Variants in EFNA5 observed in about 807,000 individuals in gnomAD.
EFNA5 encodes ephrin A5.
Under a neutral mutation model 22.9 loss-of-function variants are expected in EFNA5, and 5 were observed. The ratio of observed to expected loss-of-function variants is 0.22; its 90% CI spans 0.11 to 0.46. The LOEUF is 0.46. Among genes scored for constraint, EFNA5 ranks in the 20% least tolerant of loss-of-function variants. EFNA5 has a pLI of 0.99. For synonymous variants in EFNA5, 113 were observed against 112.2 expected, an observed-to-expected ratio of 1.01 and a Z score of -0.04; for missense variants, 237 against 293.3, an observed-to-expected ratio of 0.81 and a Z score of 1.40.
chr5:107,596,264 T>C (rs1022151400), intron 1 of EFNA5, among the ~76,000 whole-genome samples: 3 of 152,342 alleles, frequency 2.0e-5, no homozygotes, highest in Admixed American at 6.5e-5. Flanking sequence ...TGAAACTCTA[T>C]GCCCACTGAA....
chr5:107,615,957 A>T (rs1749903425), intron 1 of EFNA5, among the ~76,000 whole-genome samples: 1 of 152,206 alleles, frequency 6.6e-6, no homozygotes, highest in Admixed American at 6.5e-5. Flanking sequence ...AAGAAAGAAC[A>T]ATTCTGCATT....
At chr5:107,511,320 C>A (rs1442085895) in intron 1 of EFNA5, among the ~76,000 whole-genome samples, 1 of 151,976 alleles carries the variant, frequency 6.6e-6, no homozygotes, top group African/African-American at 2.4e-5. Context: ...GCCACTGCTC[C>A]CGGCACCATA....
Position 107,670,607 on chromosome 5 carries a change from G to A in EFNA5, c.7C>T (p.His3Tyr). Residue 3 changes from histidine (H) to tyrosine (Y), a missense_variant, in exon 1 of 5, where the codon CAC (histidine) becomes TAC (tyrosine). Transcript: ENST00000333274. The stretch of plus-strand genomic sequence containing the variant: ...AACACCAGCGTCAACATCTCCACGT[G>A]CAACATCACGCCTGGCCAGCGGCGG... ML[H>Y]VEMLTLVFLV... 2 of 1,602,840 alleles carry A rather than the reference G, an allele frequency of 1.2e-6. No homozygotes were observed. Among genetic ancestry groups the A allele is most frequent in the Non-Finnish European group, 1.7e-6 (2 of 1,175,228 alleles).
At chr5:107,574,595 A>G (rs1748887856) in intron 1 of EFNA5, among the ~76,000 whole-genome samples, 1 of 152,192 alleles carries the variant, frequency 6.6e-6, no homozygotes, top group Non-Finnish European at 1.5e-5. Flanking sequence ...TTCTGTTCCA[A>G]ACTTCAAGTT....
intron 1 of EFNA5, among the ~76,000 whole-genome samples, chr5:107,647,001 TAAC>T (rs1056525828): frequency 9.2e-5 from 14 of 152,078 alleles, no homozygotes; most frequent in African/African-American, 3.4e-4. Context: ...ATATTTTAAA[TAAC>T]ATATCAAAGA....
chr5:107,578,224 C>T (rs1414130183), intron 1 of EFNA5, among the ~76,000 whole-genome samples: 1 of 152,130 alleles, frequency 6.6e-6, no homozygotes, highest in Non-Finnish European at 1.5e-5. Context: ...GAGAAGTCTG[C>T]AATCTAAGCA....
chr5:107,529,565 T>C (rs1250825573), intron 1 of EFNA5, among the ~76,000 whole-genome samples: 1 of 152,172 alleles, frequency 6.6e-6, no homozygotes, highest in Admixed American at 6.5e-5. Flanking sequence ...AGGCAACAGA[T>C]GGATTGCTTG....
At chr5:107,631,488 T>C (rs1750250276) in intron 1 of EFNA5, among the ~76,000 whole-genome samples, 1 of 152,030 alleles carries the variant, frequency 6.6e-6, no homozygotes, top group African/African-American at 2.4e-5. Flanking sequence ...AGACACTCAT[T>C]GAGCAAATAG....
intron 1 of EFNA5, among the ~76,000 whole-genome samples, chr5:107,447,835 A>ATT (rs371389437): frequency 2.0e-5 from 3 of 147,526 alleles, no homozygotes; most frequent in African/African-American, 7.4e-5. Flanking sequence ...AGAACAAGGG[A>ATT]TTTTTTTTTT....
Position 107,484,422 on chromosome 5 carries a change from G to C in EFNA5, c.126-56913C>G, listed in dbSNP as rs574518977. Reference sequence around the variant, plus strand: ...AGCTGCCAAATAACTTTGAGGATCTGATTCAGAACTAACATGGAAGATTTA... The same window carrying C: ...AGCTGCCAAATAACTTTGAGGATCTCATTCAGAACTAACATGGAAGATTTA... On this transcript the variant is annotated intron_variant, in intron 1 of 4. Coordinates refer to ENST00000333274, the MANE Select transcript of EFNA5 (RefSeq NM_001962.3). Among the ~76,000 whole-genome samples, 5 of 152,284 alleles carry C rather than the reference G, an allele frequency of 3.3e-5. No individual in the cohort carries two copies. In the East Asian group the frequency reaches 9.7e-4, roughly 29 times the overall value.
chr5:107,430,054 C>A (rs1040353026), intron 1 of EFNA5, among the ~76,000 whole-genome samples: 6 of 152,146 alleles, frequency 3.9e-5, no homozygotes, highest in Non-Finnish European at 8.8e-5. Context: ...ACTACATAAC[C>A]ATTTTTTTAA....
At chr5:107,450,042 G>A (rs1037058371) in intron 1 of EFNA5, among the ~76,000 whole-genome samples, 2 of 152,180 alleles carry the variant, frequency 1.3e-5, no homozygotes, top group African/African-American at 4.8e-5. Context: ...CAAAGGGGAA[G>A]CAAATCATCT....
intron 1 of EFNA5, among the ~76,000 whole-genome samples, chr5:107,605,302 A>G (rs957967773): frequency 1.3e-5 from 2 of 152,158 alleles, no homozygotes; most frequent in Non-Finnish European, 2.9e-5. Flanking sequence ...TTGACTGTGC[A>G]TGATGCCGAG....
At chr5:107,409,978 A>ACCGGTCTTG (rs1259377661) in intron 2 of EFNA5, among the ~76,000 whole-genome samples, 1 of 151,416 alleles carries the variant, frequency 6.6e-6, no homozygotes. Context: ...AAGACTTAAA[A>ACCGGTCTTG]CCGGTCTTGT....
chr5:107,595,199 A>C (rs923411774), intron 1 of EFNA5, among the ~76,000 whole-genome samples: 1 of 152,268 alleles, frequency 6.6e-6, no homozygotes, highest in African/African-American at 2.4e-5. Context: ...TAATAAGTAT[A>C]ACCTTTAGAA....
In EFNA5 at chr5:107,396,566, G is replaced by T. The variant is rs561311048; in HGVS notation, c.419-8795C>A. 4.6e-5 allele frequency among the ~76,000 whole-genome samples: 7 copies of T among 152,328 alleles called. 1 individual carries two copies. The South Asian group carries it at 1.5e-3, about 32-fold the overall frequency. On this transcript the variant is annotated intron_variant, in intron 2 of 4. Transcript: ENST00000333274. ...AGTTCTGAGTGCAAATATGGAGGAG[G>T]AAGGGCTCAGGTGTGGATAGTGGTG...
chr5:107,483,101 G>A (rs25996), intron 1 of EFNA5, among the ~76,000 whole-genome samples: 1 of 151,834 alleles, frequency 6.6e-6, no homozygotes, highest in Non-Finnish European at 1.5e-5. Context: ...TTATGTAATA[G>A]TGTGAACAAA....
In EFNA5 at chr5:107,652,504, GCAGT is replaced by G. The variant is rs543900576; in HGVS notation, c.125+17981_125+17984del. Among the ~76,000 whole-genome samples the G allele has an allele frequency of 2.3e-3, 353 of 152,236 alleles. 2 individuals are homozygous for G. Among genetic ancestry groups the G allele is most frequent in the African/African-American group, 7.9e-3 (330 of 41,548 alleles). On this transcript the variant is annotated intron_variant, in intron 1 of 4. Coordinates refer to ENST00000333274, the MANE Select transcript of EFNA5 (RefSeq NM_001962.3). ...GCAGAACAGTTTGATGATTGCCTTG[GCAGT>G]CAAAGAATTTTCTAATTGTCCTGGT... is the stretch of plus-strand genomic sequence containing the variant.
Position 107,659,598 on chromosome 5 carries a change from A to G in EFNA5, c.125+10891T>C, listed in dbSNP as rs560977495. 4.6e-5 allele frequency among the ~76,000 whole-genome samples: 7 copies of G among 151,666 alleles called. No homozygotes were observed. In the East Asian group the frequency reaches 1.4e-3, roughly 29 times the overall value. ...GGCTAAAAGCCATCAAAAGAGAAAA[A>G]TAGCAATAGAGAGATTTACATAATA... On this transcript the variant is annotated intron_variant, in intron 1 of 4. Coordinates refer to ENST00000333274, the MANE Select transcript of EFNA5 (RefSeq NM_001962.3).
Sources: allele counts gnomAD v4.1 joint callset (sites outside exome capture counted in the v4.1 genomes callset), GRCh38; gene constraint gnomAD v4.1.1; transcripts MANE v1.5; gene names NCBI Gene and HGNC (gene_info 2026-07-23, HGNC 2026-07-21).